Variants in BICDL1 observed in about 807,000 individuals in gnomAD.
BICDL1 encodes the protein BICD family like cargo adaptor 1.
BICDL1 carries 20 observed loss-of-function variants against 76.8 expected under a neutral mutation model. The ratio of observed to expected loss-of-function variants is 0.26; its 90% CI spans 0.18 to 0.38. BICDL1 has a LOEUF of 0.38. Among genes scored for constraint, BICDL1 ranks in the 10% least tolerant of loss-of-function variants. The probability of loss-of-function intolerance (pLI) is 1.00; values close to 1 mark genes in which losing one functional copy is unlikely to be tolerated. For synonymous variants in BICDL1, 383 were observed against 337.1 expected (o/e 1.14, Z -1.49); for missense variants, 700 against 798.6 (o/e 0.88, Z 1.49).
At chr12:119,997,229 T>A (rs917173388) in intron 1 of BICDL1, among the ~76,000 whole-genome samples, 14 of 152,114 alleles carry the variant, frequency 9.2e-5, no homozygotes, top group Non-Finnish European at 1.6e-4. Flanking sequence ...TACAGGCGTG[T>A]GCCACCGCGC....
chr12:120,037,616 A>T (rs1325459407), intron 2 of BICDL1, among the ~76,000 whole-genome samples: 1 of 152,164 alleles, frequency 6.6e-6, no homozygotes. Context: ...TCAATTTCCA[A>T]CACTTTGGAG....
At chr12:120,084,074 C>T (rs1874206663) in intron 8 of BICDL1, among the ~76,000 whole-genome samples, 1 of 151,990 alleles carries the variant, frequency 6.6e-6, no homozygotes, top group Admixed American at 6.5e-5. Flanking sequence ...ATGATCTTGG[C>T]TCACTGCAAA....
intron 8 of BICDL1, among the ~76,000 whole-genome samples, chr12:120,088,801 G>C (rs1284080313): frequency 1.3e-5 from 2 of 152,134 alleles, no homozygotes; most frequent in East Asian, 3.8e-4. Flanking sequence ...CCAGTAGCTG[G>C]GACTACAGGC....
At chr12:120,000,119 G>A (rs1424945140) in intron 2 of BICDL1, among the ~76,000 whole-genome samples, 1 of 152,216 alleles carries the variant, frequency 6.6e-6, no homozygotes, top group East Asian at 1.9e-4. Context: ...ATGGGGAAGG[G>A]AGGAGAAGAA....
At chr12:120,023,284 G>A (rs1033310305) in intron 2 of BICDL1, among the ~76,000 whole-genome samples, 1 of 152,326 alleles carries the variant, frequency 6.6e-6, no homozygotes, top group East Asian at 1.9e-4. Flanking sequence ...CACTTTCAAA[G>A]CCTGTGGGCC....
At chr12:120,030,777 A>G (rs997598689) in intron 2 of BICDL1, among the ~76,000 whole-genome samples, 4 of 152,132 alleles carry the variant, frequency 2.6e-5, no homozygotes, top group African/African-American at 9.7e-5. Context: ...TTTCTTCCTT[A>G]CAATACTTCA....
At chr12:120,088,943 G>T (rs1030100290) in intron 8 of BICDL1, among the ~76,000 whole-genome samples, 1 of 151,350 alleles carries the variant, frequency 6.6e-6, no homozygotes, top group African/African-American at 2.4e-5. Context: ...GAATTACAGG[G>T]GTGAGCCACC....
intron 2 of BICDL1, among the ~76,000 whole-genome samples, chr12:120,050,182 A>G (rs190006655): frequency 6.6e-6 from 1 of 150,918 alleles, no homozygotes; most frequent in East Asian, 1.9e-4. Flanking sequence ...AGGTTTTTAT[A>G]TATTCTGAAT....
chr12:119,997,366 C>T (rs1322855802), intron 1 of BICDL1, among the ~76,000 whole-genome samples: 1 of 152,172 alleles, frequency 6.6e-6, no homozygotes, highest in Non-Finnish European at 1.5e-5. Flanking sequence ...TTATCAGTCT[C>T]CTCCACTAGA....
chr12:120,022,492 G>GTA (rs577815161), intron 2 of BICDL1, among the ~76,000 whole-genome samples: 2,637 of 145,812 alleles, frequency 0.018, 75 homozygotes, highest in African/African-American at 0.053. Flanking sequence ...ATATTTTTGT[G>GTA]TATATATATA....
chr12:120,050,806 AT>A (rs1370418732), intron 2 of BICDL1, among the ~76,000 whole-genome samples: 1 of 150,724 alleles, frequency 6.6e-6, no homozygotes, highest in African/African-American at 2.4e-5. Flanking sequence ...CGCACAGCTA[AT>A]TTTTATTAGA....
intron 2 of BICDL1, among the ~76,000 whole-genome samples, chr12:120,039,650 A>AG (rs1267853646): frequency 2.0e-5 from 3 of 151,416 alleles, no homozygotes; most frequent in Non-Finnish European, 4.4e-5. Flanking sequence ...AAAAAAAAAA[A>AG]AAAAAAAAAA....
At chr12:120,016,434 CTT>C (rs1174613877) in intron 2 of BICDL1, among the ~76,000 whole-genome samples, 48 of 95,882 alleles carry the variant, frequency 5.0e-4, no homozygotes, top group South Asian at 2.6e-3. Flanking sequence ...TGTCTGTAAC[CTT>C]TTTTTTTTTT....
chr12:120,060,212 G>A (rs1257037471), intron 2 of BICDL1, among the ~76,000 whole-genome samples: 1 of 152,194 alleles, frequency 6.6e-6, no homozygotes, highest in East Asian at 1.9e-4. Flanking sequence ...AATGACTAAT[G>A]TGTTTTTAAG....
intron 8 of BICDL1, among the ~76,000 whole-genome samples, chr12:120,084,175 T>C (rs1474328314): frequency 6.6e-6 from 1 of 152,108 alleles, no homozygotes; most frequent in African/African-American, 2.4e-5. Context: ...GCTAATTTTT[T>C]GTATTTTTAG....
At chr12:120,058,981 G>C in intron 2 of BICDL1, among the ~76,000 whole-genome samples, 1 of 152,198 alleles carries the variant, frequency 6.6e-6, no homozygotes, top group South Asian at 2.1e-4. Context: ...GTAAAGTTTG[G>C]TTTTAGTAGT....
intron 9 of BICDL1, chr12:120,091,298 T>C: frequency 9.3e-7 from 1 of 1,077,648 alleles, no homozygotes; most frequent in Non-Finnish European, 1.1e-6. Flanking sequence ...ATGAGCAGCG[T>C]GTGTCTGGGA....
intron 9 of BICDL1, chr12:120,091,644 A>C: frequency 1.0e-6 from 1 of 985,204 alleles, no homozygotes; most frequent in Non-Finnish European, 1.2e-6. Context: ...TCTGAAAGAC[A>C]GGGTTGAGAG....
Position 120,074,595 on chromosome 12 carries a change from C to G in BICDL1, c.1452+9C>G. On this transcript the variant is annotated intron_variant, in intron 7 of 9. Coordinates refer to ENST00000548673, the MANE Select transcript of BICDL1 (RefSeq NM_001367886.1). ...AGCGACTCCACAGTCAGGTGAGCAC[C>G]CCAACCTTCAGTTCAGTGCAGGGCA... 2 of 1,207,518 alleles carry G rather than the reference C, an allele frequency of 1.7e-6. No individual in the cohort carries two copies. The highest frequency in any genetic ancestry group is 2.1e-6 in the Non-Finnish European group (2 of 948,996). The allele number at this position is 1,207,518 out of a possible 1,614,324, so 74.8% of individuals were successfully genotyped here.
Sources: allele counts gnomAD v4.1 joint callset (sites outside exome capture counted in the v4.1 genomes callset), GRCh38; gene constraint gnomAD v4.1.1; transcripts MANE v1.5; gene names NCBI Gene and HGNC (gene_info 2026-07-23, HGNC 2026-07-21).